Variants in PMPCB observed in about 807,000 individuals in gnomAD.
PMPCB encodes mitochondrial-processing peptidase subunit beta.
Under a neutral mutation model 61.5 loss-of-function variants are expected in PMPCB, and 46 were observed. That is an observed-to-expected ratio of 0.75 (90% confidence interval 0.59 to 0.96). The LOEUF is 0.96. Ranked by LOEUF, PMPCB falls within the 40% of genes least tolerant of loss-of-function variation. The pLI is 0.00. For synonymous variants in PMPCB, 191 were observed against 201.6 expected (o/e 0.95, Z 0.44); for missense variants, 590 against 602.4 (o/e 0.98, Z 0.22).
At chr7:103,319,803 T>G in intron 12 of PMPCB, 2 of 1,614,174 alleles carry the variant, frequency 1.2e-6, no homozygotes, top group Non-Finnish European at 1.7e-6. Context: ...CTTCCATCAT[T>G]TTAACCCGCT....
At chr7:103,344,685 G>T in the PMPCB span, 2 of 1,553,462 alleles carry the variant, frequency 1.3e-6, no homozygotes, top group Non-Finnish European at 1.8e-6. Context: ...GGCGCTTAGG[G>T]TCCCCTCCAG....
At chr7:103,342,499 TTCTCC>T in the PMPCB span, among the ~76,000 whole-genome samples, 19 of 151,914 alleles carry the variant, frequency 1.3e-4, no homozygotes, top group Admixed American at 1.1e-3. Context: ...GAGATGGGGT[TTCTCC>T]ATGTTGGTCA....
rs1452347456 is a variant in PMPCB at position 103,326,456 on chromosome 7, A to G, written c.*1432-2475A>G. ...GTGGAAATAATCTATAAATGAAACT[A>G]TTATCAGAGGGAAAGAGCAGAAACC... On this transcript the variant is annotated intron_variant and NMD_transcript_variant, in intron 12 of 12. Coordinates refer to the PMPCB transcript ENST00000444457. The G allele has an allele frequency of 4.0e-5, 52 of 1,308,160 alleles. 1 individual carries two copies. The highest frequency in any genetic ancestry group is 2.0e-4 in the South Asian group (16 of 78,426). 81.0% of individuals were successfully genotyped at this position (1,308,160 alleles called of 1,614,324 possible). A position where few individuals can be genotyped will look rare whatever the true frequency, so the allele number is the denominator to read the frequency against.
At chr7:103,341,802 ACT>A in the PMPCB span, 1 of 1,599,340 alleles carries the variant, frequency 6.3e-7, no homozygotes, top group Admixed American at 1.8e-5. Flanking sequence ...AGCATGGGAA[ACT>A]CTTCCAACTG....
At position 103,298,714 on chromosome 7, in the gene PMPCB, T is replaced by C. The variant is rs1159190723; in HGVS notation, c.240+6T>C. ...CTGGGCTCTCAACATGCACAGTAAG[T>C]GACTCAGGCAACCTTCTCTAAGTGA... is the stretch of plus-strand genomic sequence containing the variant. On this transcript the variant is annotated splice_donor_region_variant and intron_variant, in intron 2 of 12. Transcript: ENST00000249269. The C allele has an allele frequency of 6.2e-7, 1 of 1,612,388 alleles. No individual in the cohort carries two copies. Among genetic ancestry groups the C allele is most frequent in the Admixed American group, 1.7e-5 (1 of 59,652 alleles).
chr7:103,344,347 G>A, the PMPCB span: 2 of 595,090 alleles, frequency 3.4e-6, no homozygotes, highest in African/African-American at 1.9e-5. Flanking sequence ...GCAACGGTAG[G>A]AGCAAAAGGA....
rs1368539947 is a variant in PMPCB, at chr7:103,312,305, A to G, written c.*34A>G. 6.2e-7 allele frequency: 1 copy of G among 1,605,112 alleles called. No homozygotes were observed. Among genetic ancestry groups the G allele is most frequent in the Non-Finnish European group, 8.5e-7 (1 of 1,179,560 alleles). ...TAATCAAGATTGTTTGAACACATGTATTTATAAAACAGAGCTAGAGAAAAA... is the reference window on the plus strand; with the variant it reads ...TAATCAAGATTGTTTGAACACATGTGTTTATAAAACAGAGCTAGAGAAAAA... On this transcript the variant is annotated 3_prime_UTR_variant, in exon 13 of 13. Transcript: ENST00000249269.
intron 1 of PMPCB, chr7:103,297,951 G>A (rs987365447): frequency 4.9e-6 from 6 of 1,219,590 alleles, no homozygotes; most frequent in Admixed American, 7.6e-5. Flanking sequence ...GGACATCAAT[G>A]AAGTAAAATT....
chr7:103,299,580 A>C (rs1307270078), intron 3 of PMPCB, 51 bp downstream of exon 3: 1 of 1,038,124 alleles, frequency 9.6e-7, no homozygotes, highest in Non-Finnish European at 1.5e-6. Context: ...GATAATAAGC[A>C]CAAAGTCTCA....
the PMPCB span, among the ~76,000 whole-genome samples, chr7:103,341,256 A>G: frequency 1.3e-5 from 2 of 152,194 alleles, no homozygotes; most frequent in African/African-American, 4.8e-5. Context: ...CTTTTCTAAA[A>G]TTAGCTAAGA....
Position 103,303,835 on chromosome 7 carries a change from C to T in PMPCB, c.458-7C>T. ...GGCACGTTTTCTTATATTTTATTTT[C>T]AATTAGCTGTAGAAATTCTTGCTGA... is the stretch of plus-strand genomic sequence containing the variant. On this transcript the variant is annotated splice_polypyrimidine_tract_variant and splice_region_variant and intron_variant, in intron 4 of 12. Coordinates refer to ENST00000249269, the MANE Select transcript of PMPCB (RefSeq NM_004279.3). 1.3e-6 allele frequency: 2 copies of T among 1,585,084 alleles called. No homozygotes were observed. The highest frequency in any genetic ancestry group is 3.6e-5 in the Admixed American group (2 of 56,290).
chr7:103,327,597 C>A lies in PMPCB; in HGVS notation c.*1432-1334C>A. 3 of 1,148,250 alleles carry A rather than the reference C, an allele frequency of 2.6e-6. No individual in the cohort carries two copies. In the South Asian group the frequency reaches 4.0e-5, roughly 15 times the overall value. 71.1% of individuals were successfully genotyped at this position (1,148,250 alleles called of 1,614,324 possible). A position where few individuals can be genotyped will look rare whatever the true frequency, so the allele number is the denominator to read the frequency against. On this transcript the variant is annotated intron_variant and NMD_transcript_variant, in intron 12 of 12. Transcript: ENST00000444457. ...ACAGTATGCATAAGAAACCCAATCCCAGCAATTAATAAATAACAATTACTA... is the reference window on the plus strand; with the variant it reads ...ACAGTATGCATAAGAAACCCAATCCAAGCAATTAATAAATAACAATTACTA...
At chr7:103,344,665 C>A in the PMPCB span, 1 of 1,597,670 alleles carries the variant, frequency 6.3e-7, no homozygotes, top group East Asian at 2.2e-5. Context: ...GGCTCACGTC[C>A]CGGGCGGAGG....
At chr7:103,329,424 T>C (rs73175841) in exon 13 of PMPCB, 2 of 152,460 alleles carry the variant, frequency 1.3e-5, no homozygotes, top group South Asian at 2.1e-4. Flanking sequence ...TAATTCATTA[T>C]GTTTATTAAT....
chr7:103,345,645 AG>A, the PMPCB span, among the ~76,000 whole-genome samples: 1 of 150,820 alleles, frequency 6.6e-6, no homozygotes, highest in South Asian at 2.1e-4. Context: ...TTGTAGAGAC[AG>A]GGTCTCACTA....
At chr7:103,340,634 A>G in the PMPCB span, among the ~76,000 whole-genome samples, 3 of 152,192 alleles carry the variant, frequency 2.0e-5, 1 homozygote, top group South Asian at 2.1e-4. Flanking sequence ...AGTGCACCAA[A>G]TGGCAGAACC....
chr7:103,327,798 C>G, intron 12 of PMPCB: 1 of 1,333,774 alleles, frequency 7.5e-7, no homozygotes, highest in Non-Finnish European at 1.1e-6. Flanking sequence ...CTTTAAGCAC[C>G]AAAAATAAAG....
chr7:103,346,835 T>TGTGTGC, the PMPCB span, among the ~76,000 whole-genome samples: 3 of 151,956 alleles, frequency 2.0e-5, no homozygotes, highest in Non-Finnish European at 4.4e-5. Context: ...TGTGTGTGTG[T>TGTGTGC]GTGTGTGTGT....
At chr7:103,318,981 G>T (rs1818228826), downstream of PMPCB, among the ~76,000 whole-genome samples, 1 of 152,174 alleles carries the variant, frequency 6.6e-6, no homozygotes, top group South Asian at 2.1e-4. Flanking sequence ...GGAGGCCAAT[G>T]CGGACGGATC....
Sources: gnomAD v4.1 joint callset for allele counts (sites outside exome capture counted in the v4.1 genomes callset) on GRCh38, gnomAD v4.1.1 for gene constraint, MANE v1.5 for transcripts, NCBI Gene and HGNC (gene_info 2026-07-23, HGNC 2026-07-21) for gene names.